The following MBLAC2 variants were observed in gnomAD, a reference collection of about 807,000 sequenced individuals.
MBLAC2 encodes metallo-beta-lactamase domain containing 2.
Under a neutral mutation model 23.3 loss-of-function variants are expected in MBLAC2, and 24 were observed. That is an observed-to-expected ratio of 1.03 (90% CI 0.75 to 1.45). The LOEUF (loss-of-function observed/expected upper bound fraction) is 1.45. MBLAC2 is among the 40% of genes most tolerant of loss of function. The probability of loss-of-function intolerance (pLI) is 0.00; values close to 1 mark genes in which losing one functional copy is unlikely to be tolerated. For synonymous variants in MBLAC2, 162 were observed against 150.9 expected (o/e 1.07, Z -0.54); for missense variants, 358 against 370.0 (o/e 0.97, Z 0.27).
rs1018806643 is a variant in MBLAC2 at position 90,459,106 on chromosome 5, T to C, written c.*2061A>G. 6.6e-6 allele frequency: 1 copy of C among 152,572 alleles called. No individual in the cohort carries two copies. The highest frequency in any genetic ancestry group is 2.4e-5 in the African/African-American group (1 of 41,436). The allele number at this position is 152,572 out of a possible 1,614,324, so 9.5% of individuals were successfully genotyped here. A position where few individuals can be genotyped will look rare whatever the true frequency, so the allele number is the denominator to read the frequency against. On this transcript the variant is annotated 3_prime_UTR_variant, in exon 2 of 2. Coordinates refer to ENST00000316610, the MANE Select transcript of MBLAC2 (RefSeq NM_203406.2). Reference sequence around the variant, plus strand: ...TTTTGGTTTTCCTTTGTGCTATTGATATAAAAATAATGGCTTTATTTAAGG... The same window carrying C: ...TTTTGGTTTTCCTTTGTGCTATTGACATAAAAATAATGGCTTTATTTAAGG...
At chr5:90,469,453 T>C (rs1465412584) in intron 1 of MBLAC2, among the ~76,000 whole-genome samples, 1 of 150,788 alleles carries the variant, frequency 6.6e-6, no homozygotes, top group Non-Finnish European at 1.5e-5. Context: ...TAATTTCTGA[T>C]GTTTTAAATT....
intron 1 of MBLAC2, 61 bp from the exon 2 acceptor site, chr5:90,461,613 CATACTAGAGCATTAT>C: frequency 1.4e-6 from 2 of 1,440,726 alleles, no homozygotes; most frequent in Non-Finnish European, 1.9e-6. Flanking sequence ...GCATGTAAAG[CATACTAGAGCATTAT>C]ATGCTTCCAA....
chr5:90,461,870 T>C (rs917848457), intron 1 of MBLAC2, among the ~76,000 whole-genome samples: 12 of 152,228 alleles, frequency 7.9e-5, no homozygotes, highest in African/African-American at 2.9e-4. Context: ...AGCAGCTTTC[T>C]TTTCAGAAAG....
rs1370685353 is a variant in MBLAC2, at chr5:90,461,569, A to G, written c.455-17T>C. The G allele has an allele frequency of 1.9e-6, 3 of 1,590,492 alleles. No individual in the cohort carries two copies. In the Admixed American group the frequency reaches 5.2e-5, roughly 28 times the overall value. On this transcript the variant is annotated splice_polypyrimidine_tract_variant and intron_variant, in intron 1 of 1. Coordinates refer to ENST00000316610, the MANE Select transcript of MBLAC2 (RefSeq NM_203406.2). ...TCACATCCCCTACAAATGGAAACAG[A>G]GTTTACAGATAAACATGTTGTATAC...
chr5:90,462,329 A>T (rs1479388675), intron 1 of MBLAC2, among the ~76,000 whole-genome samples: 1 of 152,230 alleles, frequency 6.6e-6, no homozygotes, highest in African/African-American at 2.4e-5. Context: ...ATCATGGTAA[A>T]TTAAAAGATT....
intron 1 of MBLAC2, chr5:90,473,438 AG>A: frequency 1.9e-6 from 1 of 535,370 alleles, no homozygotes; most frequent in Non-Finnish European, 3.3e-6. Flanking sequence ...ACTCTCCGTG[AG>A]GGGTCATTCC....
chr5:90,464,824 A>G (rs1750422204), intron 1 of MBLAC2, among the ~76,000 whole-genome samples: 1 of 152,236 alleles, frequency 6.6e-6, no homozygotes, highest in Non-Finnish European at 1.5e-5. Context: ...ATATGACAAA[A>G]TCCAATTCTC....
chr5:90,470,754 GCGCA>G (rs1554037168), intron 1 of MBLAC2, among the ~76,000 whole-genome samples: 2,792 of 112,486 alleles, frequency 0.025, 53 homozygotes, highest in African/African-American at 0.057. Context: ...ACTAGCGCGC[GCGCA>G]CACACACACA....
chr5:90,466,810 G>C, intron 1 of MBLAC2, among the ~76,000 whole-genome samples: 1 of 152,144 alleles, frequency 6.6e-6, no homozygotes. Context: ...CACTAGAATG[G>C]CTAAATTGAA....
At chr5:90,468,372 G>A (rs1750485908) in intron 1 of MBLAC2, among the ~76,000 whole-genome samples, 2 of 152,104 alleles carry the variant, frequency 1.3e-5, no homozygotes, top group South Asian at 4.2e-4. Flanking sequence ...GGACTTCTTG[G>A]AGGCCTTGTT....
chr5:90,472,899 AATGTG>A (rs1378123383), intron 1 of MBLAC2: 9 of 152,182 alleles, frequency 5.9e-5, no homozygotes, highest in African/African-American at 2.2e-4. Flanking sequence ...CCTCACTTTA[AATGTG>A]TTGTGAAGAT....
intron 1 of MBLAC2, among the ~76,000 whole-genome samples, chr5:90,462,425 G>C (rs749569110): frequency 2.0e-5 from 3 of 152,138 alleles, no homozygotes; most frequent in Non-Finnish European, 4.4e-5. Flanking sequence ...TCAAAATGGT[G>C]TAATAATCAG....
chr5:90,473,943 A>G lies in MBLAC2; in HGVS notation c.350T>C (p.Val117Ala). Residue 117 changes from valine to alanine, a missense_variant, in exon 1 of 2, where the codon GTG (valine) becomes GCG (alanine). Coordinates refer to ENST00000316610, the MANE Select transcript of MBLAC2 (RefSeq NM_203406.2). The part of the protein sequence containing the change: ...ALARGDNFET[V>A]TWLSDSEVVR... ...CACCTCGCTATCGGAAAGCCAGGTC[A>G]CGGTCTCAAAGTTGTCCCCGCGAGC... 6.2e-7 allele frequency: 1 copy of G among 1,603,756 alleles called. No individual in the cohort carries two copies. The highest frequency in any genetic ancestry group is 8.5e-7 in the Non-Finnish European group (1 of 1,176,056).
chr5:90,470,085 A>T (rs146997420), intron 1 of MBLAC2, among the ~76,000 whole-genome samples: 1 of 152,182 alleles, frequency 6.6e-6, no homozygotes, highest in Non-Finnish European at 1.5e-5. Flanking sequence ...TTGCAGCAAC[A>T]TGGATGGAAC....
intron 1 of MBLAC2, among the ~76,000 whole-genome samples, chr5:90,466,974 C>T (rs1490068231): frequency 3.9e-5 from 6 of 152,046 alleles, no homozygotes; most frequent in African/African-American, 1.2e-4. Context: ...CCCATCTCTA[C>T]CAAAAACACA....
In MBLAC2 at chr5:90,474,634, C is replaced by G. The variant is rs1056050304; in HGVS notation, c.-342G>C. 1 of 316,822 alleles carries G rather than the reference C, an allele frequency of 3.2e-6. No individual in the cohort carries two copies. The highest frequency in any genetic ancestry group is 5.9e-6 in the Non-Finnish European group (1 of 169,380). The allele number at this position is 316,822 out of a possible 1,614,324, so 19.6% of individuals were successfully genotyped here. The stretch of plus-strand genomic sequence containing the variant: ...TGCAGCAGAATGGAGACTCAGGTGG[C>G]GACCGTTTCGCCACCCCGGGCGTGT... On this transcript the variant is annotated 5_prime_UTR_variant, in exon 1 of 2. Coordinates refer to ENST00000316610, the MANE Select transcript of MBLAC2 (RefSeq NM_203406.2).
chr5:90,472,796 G>T (rs961029216), intron 1 of MBLAC2: 1 of 152,120 alleles, frequency 6.6e-6, no homozygotes, highest in African/African-American at 2.4e-5. Flanking sequence ...ATTTATGTAT[G>T]TTCTGCATGC....
chr5:90,464,162 G>T (rs140852904), intron 1 of MBLAC2, among the ~76,000 whole-genome samples: 1 of 152,108 alleles, frequency 6.6e-6, no homozygotes, highest in Non-Finnish European at 1.5e-5. Flanking sequence ...ATTTTATAAC[G>T]GGACAATTTC....
intron 1 of MBLAC2, among the ~76,000 whole-genome samples, chr5:90,464,436 A>G (rs1023784267): frequency 6.6e-6 from 1 of 152,112 alleles, no homozygotes; most frequent in Non-Finnish European, 1.5e-5. Flanking sequence ...AATAATTTAA[A>G]AAGCCAAGTA....
Sources: allele counts gnomAD v4.1 joint callset (sites outside exome capture counted in the v4.1 genomes callset), GRCh38; gene constraint gnomAD v4.1.1; transcripts MANE v1.5; gene names NCBI Gene and HGNC (gene_info 2026-07-23, HGNC 2026-07-21).